The following PLCL2 variants were observed in gnomAD, a reference collection of about 807,000 sequenced individuals.
PLCL2 encodes the protein phospholipase C like 2, also known as inactive phospholipase C-like protein 2.
In PLCL2, 4 loss-of-function variants were observed where a neutral mutation model predicts 79.6. The observed-to-expected ratio is 0.05, with a 90% CI of 0.02 to 0.11. The LOEUF (loss-of-function observed/expected upper bound fraction) is 0.11, where lower values mean the gene tolerates loss of function less well. PLCL2 is among the 10% of genes least tolerant of loss of function. PLCL2 has a pLI of 1.00. For missense variants in PLCL2, 895 were observed against 1,291.0 expected, an observed-to-expected ratio of 0.69 and a Z score of 4.70; for synonymous variants, 484 against 457.7, an observed-to-expected ratio of 1.06 and a Z score of -0.73.
intron 1 of PLCL2, among the ~76,000 whole-genome samples, chr3:16,889,732 TC>T (rs1696304300): frequency 6.6e-6 from 1 of 152,236 alleles, no homozygotes; most frequent in Non-Finnish European, 1.5e-5. Context: ...TTTATGTGTG[TC>T]TTGGCCCATG....
In PLCL2 at chr3:17,016,307, A is replaced by G. The variant is rs149514839; in HGVS notation, c.3018+1396A>G. Among the ~76,000 whole-genome samples, 1,181 of 152,356 alleles carry G rather than the reference A, an allele frequency of 7.8e-3. 16 individuals are homozygous for G. Among genetic ancestry groups the G allele is most frequent in the African/African-American group, 0.026 (1,084 of 41,572 alleles). On this transcript the variant is annotated intron_variant, in intron 3 of 5. Transcript: ENST00000615277. ...GCTTATGAGTTCATTACCTTAAAAA[A>G]AGTGATATTTGTGCATTTTGTAGAT...
chr3:16,968,240 T>C (rs2063825333), intron 1 of PLCL2, among the ~76,000 whole-genome samples: 1 of 152,176 alleles, frequency 6.6e-6, no homozygotes, highest in South Asian at 2.1e-4. Flanking sequence ...AACAGTCACC[T>C]TGGCTATTCA....
At position 17,042,909 on chromosome 3, in the gene PLCL2, A is replaced by G; in HGVS notation, c.3054A>G (p.Ala1018=). 2 of 1,612,620 alleles carry G rather than the reference A, an allele frequency of 1.2e-6. No homozygotes were observed. Among genetic ancestry groups the G allele is most frequent in the Middle Eastern group, 1.7e-4 (1 of 6,054 alleles). The change falls in exon 4 of 6, where the codon GCA becomes GCG. Residue 1018 remains alanine, a synonymous_variant. Transcript: ENST00000615277. ...IQSLKALIEN[A]DAVYEKIVHC... is the part of the protein sequence containing the mutation. ...CCCTCAAGGCGTTGATTGAAAATGC[A>G]GATGCTGTATATGAAAAGATCGTAC...
chr3:17,024,111 A>G (rs2064485504), intron 3 of PLCL2, among the ~76,000 whole-genome samples: 1 of 152,194 alleles, frequency 6.6e-6, no homozygotes. Flanking sequence ...ATGATGTGAT[A>G]ACTTTAAGAA....
In PLCL2 at chr3:16,988,009, A is replaced by G. The variant is rs1385952259; in HGVS notation, c.328-21665A>G. On this transcript the variant is annotated intron_variant, in intron 1 of 5. Coordinates refer to ENST00000615277, the MANE Select transcript of PLCL2 (RefSeq NM_001144382.2). ...ATATAAATGAACGAGCAAGCTAAAC[A>G]TTGGTATTTCATTAGTAACCAGAGA... Among the ~76,000 whole-genome samples, 3 of 152,206 alleles carry G rather than the reference A, an allele frequency of 2.0e-5. No individual in the cohort carries two copies. The East Asian group carries it at 5.8e-4, about 29-fold the overall frequency.
intron 1 of PLCL2, among the ~76,000 whole-genome samples, chr3:16,951,032 T>G (rs1315115695): frequency 1.3e-5 from 2 of 152,156 alleles, no homozygotes; most frequent in Admixed American, 1.3e-4. Context: ...ACAGCCTCTC[T>G]TCCACCCCAA....
Position 16,935,019 on chromosome 3 carries a change from G to C in PLCL2, c.327+49653G>C, listed in dbSNP as rs115845400. ...ATGTAGTCAAATTGCCTCCAGAAAG[G>C]CTAATACGCCAATTGTCCATTACCA... On this transcript the variant is annotated intron_variant, in intron 1 of 5. Transcript: ENST00000615277. Among the ~76,000 whole-genome samples, 78 of 152,290 alleles carry C rather than the reference G, an allele frequency of 5.1e-4. No homozygotes were observed. The South Asian group carries it at 7.0e-3, about 14-fold the overall frequency.
At chr3:16,905,173 T>C in intron 1 of PLCL2, among the ~76,000 whole-genome samples, 1 of 152,226 alleles carries the variant, frequency 6.6e-6, no homozygotes, top group East Asian at 1.9e-4. Flanking sequence ...GCATCAGTGG[T>C]GCTGTCCTTG....
chr3:16,941,876 A>G (rs2063550821), intron 1 of PLCL2, among the ~76,000 whole-genome samples: 1 of 152,150 alleles, frequency 6.6e-6, no homozygotes, highest in Non-Finnish European at 1.5e-5. Flanking sequence ...AGTAAAAAAA[A>G]AAAGGCTTGG....
intron 1 of PLCL2, among the ~76,000 whole-genome samples, chr3:16,970,035 G>T (rs2063842651): frequency 7.8e-6 from 1 of 127,640 alleles, no homozygotes; most frequent in Non-Finnish European, 1.7e-5. Flanking sequence ...TCTTGGCTTT[G>T]ATTTATATAT....
At chr3:16,895,768 G>T (rs1396600893) in intron 1 of PLCL2, among the ~76,000 whole-genome samples, 1 of 151,962 alleles carries the variant, frequency 6.6e-6, no homozygotes, top group Non-Finnish European at 1.5e-5. Flanking sequence ...GGAAAAGGAA[G>T]AAAGAACAGA....
At chr3:16,998,657 G>A (rs1219198273) in intron 1 of PLCL2, among the ~76,000 whole-genome samples, 1 of 152,154 alleles carries the variant, frequency 6.6e-6, no homozygotes, top group Non-Finnish European at 1.5e-5. Flanking sequence ...AGTTTGCACT[G>A]GACACAGATG....
intron 3 of PLCL2, among the ~76,000 whole-genome samples, chr3:17,038,256 A>G (rs2064678914): frequency 6.6e-6 from 1 of 152,216 alleles, no homozygotes; most frequent in South Asian, 2.1e-4. Context: ...TATAAAATCC[A>G]TTAGCAACAA....
At chr3:16,980,624 CG>C (rs1391881148) in intron 1 of PLCL2, among the ~76,000 whole-genome samples, 2 of 151,948 alleles carry the variant, frequency 1.3e-5, no homozygotes, top group African/African-American at 2.4e-5. Context: ...GGATGGCAGC[CG>C]GGCAGAGACG....
chr3:16,886,935 TA>T lies in PLCL2; in HGVS notation c.327+1571del, dbSNP rs1696240293. Among the ~76,000 whole-genome samples, 1 of 152,268 alleles carries T rather than the reference TA, an allele frequency of 6.6e-6. No individual in the cohort carries two copies. Among genetic ancestry groups the T allele is most frequent in the Non-Finnish European group, 1.5e-5 (1 of 68,040 alleles). ...CTACCTAATTTTAACCCCTTTCTTT[TA>T]ATTGTTTTGAATACTTGTTTTTGCA... On this transcript the variant is annotated intron_variant, in intron 1 of 5. Transcript: ENST00000615277. The surrounding 1 kb of genome is among the most constrained non-coding windows in gnomAD (Gnocchi z 4.2).
intron 4 of PLCL2, among the ~76,000 whole-genome samples, chr3:17,045,521 A>G (rs7641719): frequency 0.022 from 3,408 of 152,268 alleles, 126 homozygotes; most frequent in African/African-American, 0.077. Context: ...CTAGGAACCT[A>G]TGCATCCCAG....
chr3:16,902,143 T>C (rs753551392), intron 1 of PLCL2, among the ~76,000 whole-genome samples: 1 of 152,218 alleles, frequency 6.6e-6, no homozygotes, highest in Non-Finnish European at 1.5e-5. Flanking sequence ...CCCTGTCTTA[T>C]CCTGCCCCCT....
chr3:16,891,287 C>A (rs1201481538), intron 1 of PLCL2, among the ~76,000 whole-genome samples: 1 of 152,170 alleles, frequency 6.6e-6, no homozygotes, highest in East Asian at 1.9e-4. Flanking sequence ...TAGAATAAAA[C>A]CTCCTCTCAT....
chr3:16,968,914 T>C (rs1348824394), intron 1 of PLCL2, among the ~76,000 whole-genome samples: 1 of 152,174 alleles, frequency 6.6e-6, no homozygotes. Flanking sequence ...TATTTTGAGG[T>C]ATATTCTTTC....
Sources: gnomAD v4.1 joint callset for allele counts (sites outside exome capture counted in the v4.1 genomes callset) on GRCh38, gnomAD v4.1.1 for gene constraint, Gnocchi (gnomAD v3.1) non-coding constraint, MANE v1.5 for transcripts, NCBI Gene and HGNC (gene_info 2026-07-23, HGNC 2026-07-21) for gene names.